LINGO2: variants seen among roughly 807,000 people sequenced by gnomAD.
The protein encoded by LINGO2 is leucine-rich repeat and immunoglobulin-like domain-containing nogo receptor-interacting protein 2.
A neutral mutation model predicts 30.6 loss-of-function variants in LINGO2; 14 were observed. That is an observed-to-expected ratio of 0.46 (90% CI 0.30 to 0.72). The LOEUF is 0.72. Among genes scored for constraint, LINGO2 ranks in the 30% least tolerant of loss-of-function variants. The probability of loss-of-function intolerance (pLI) is 0.07; values close to 1 mark genes in which losing one functional copy is unlikely to be tolerated. For synonymous variants in LINGO2, 317 were observed against 288.5 expected, an observed-to-expected ratio of 1.10 and a Z score of -1.00; for missense variants, 729 against 751.7, an observed-to-expected ratio of 0.97 and a Z score of 0.35.
rs146739197 is a variant in LINGO2 at position 28,348,453 on chromosome 9, C to T, written c.-246+24383G>A. ...GCGCTTTTCTGACAGGCTTAAAAAA[C>T]GGCACACCACGAGATTATATCCTGC... On this transcript the variant is annotated intron_variant, in intron 3 of 5. Transcript: ENST00000379992. Among the ~76,000 whole-genome samples, 1,345 of 152,294 alleles carry T rather than the reference C, an allele frequency of 8.8e-3. 27 individuals carry two copies. Among genetic ancestry groups the T allele is most frequent in the African/African-American group, 0.03 (1,263 of 41,556 alleles).
chr9:29,041,038 A>G, the LINGO2 span, among the ~76,000 whole-genome samples: 1 of 151,976 alleles, frequency 6.6e-6, no homozygotes, highest in African/African-American at 2.4e-5. Flanking sequence ...TCTATTGTGC[A>G]CTCTTCTTTC....
chr9:28,049,081 A>C (rs1166422448), intron 4 of LINGO2, among the ~76,000 whole-genome samples: 2 of 151,086 alleles, frequency 1.3e-5, no homozygotes, highest in Non-Finnish European at 2.9e-5. Flanking sequence ...CTTCTGTAAC[A>C]GAGTAATGTG....
At chr9:28,009,226 T>TAG (rs1258063180) in intron 5 of LINGO2, among the ~76,000 whole-genome samples, 2 of 151,580 alleles carry the variant, frequency 1.3e-5, no homozygotes, top group Non-Finnish European at 2.9e-5. Flanking sequence ...CTTCATATGA[T>TAG]ACACACAAAA....
At chr9:29,210,803 C>T in the LINGO2 span, among the ~76,000 whole-genome samples, 1 of 152,162 alleles carries the variant, frequency 6.6e-6, no homozygotes, top group African/African-American at 2.4e-5. Context: ...CATTTAAATT[C>T]TTAAGGTGAA....
chr9:28,627,037 G>A (rs934767746), intron 1 of LINGO2, among the ~76,000 whole-genome samples: 3 of 151,402 alleles, frequency 2.0e-5, no homozygotes, highest in South Asian at 4.2e-4. Context: ...TTTTTTTAAC[G>A]GTTGTTTTTG....
At chr9:28,039,894 G>A (rs571859363) in intron 4 of LINGO2, among the ~76,000 whole-genome samples, 66 of 152,196 alleles carry the variant, frequency 4.3e-4, no homozygotes, top group African/African-American at 1.1e-3. Flanking sequence ...CCACCCCCTT[G>A]TGAGATATAC....
At chr9:28,994,249 G>C in the LINGO2 span, among the ~76,000 whole-genome samples, 2 of 152,130 alleles carry the variant, frequency 1.3e-5, no homozygotes, top group Non-Finnish European at 2.9e-5. Flanking sequence ...GCCAAATCAT[G>C]AGTGAACTCC....
At chr9:29,082,259 A>C in the LINGO2 span, among the ~76,000 whole-genome samples, 5 of 152,086 alleles carry the variant, frequency 3.3e-5, no homozygotes, top group African/African-American at 4.8e-5. Context: ...AGAACAGAGC[A>C]CTCAGAAATA....
chr9:28,228,626 C>A (rs1408960897), intron 4 of LINGO2, among the ~76,000 whole-genome samples: 1 of 151,560 alleles, frequency 6.6e-6, no homozygotes, highest in East Asian at 1.9e-4. Context: ...ATTCAAGTAG[C>A]CTGAGAATGT....
At chr9:28,535,555 A>G (rs1168064363) in intron 1 of LINGO2, among the ~76,000 whole-genome samples, 1 of 152,148 alleles carries the variant, frequency 6.6e-6, no homozygotes, top group Admixed American at 6.6e-5. Context: ...TTATACACAT[A>G]TATAGAAAAT....
the LINGO2 span, among the ~76,000 whole-genome samples, chr9:28,863,097 T>G: frequency 9.2e-5 from 14 of 152,226 alleles, no homozygotes; most frequent in Middle Eastern, 3.4e-3. Context: ...AAATGTACAA[T>G]TTGGTATGTT....
chr9:28,218,979 T>C (rs1274892859), intron 4 of LINGO2, among the ~76,000 whole-genome samples: 2 of 152,164 alleles, frequency 1.3e-5, no homozygotes, highest in African/African-American at 4.8e-5. Flanking sequence ...ACCTGAAACT[T>C]GTCTTCACTA....
chr9:28,687,885 T>A, the LINGO2 span, among the ~76,000 whole-genome samples: 1 of 152,102 alleles, frequency 6.6e-6, no homozygotes, highest in Non-Finnish European at 1.5e-5. Flanking sequence ...TAATAGGATA[T>A]AACGATTATA....
chr9:29,071,174 G>GTA, the LINGO2 span, among the ~76,000 whole-genome samples: 1 of 147,000 alleles, frequency 6.8e-6, no homozygotes, highest in Non-Finnish European at 1.5e-5. Context: ...GTATTGTATT[G>GTA]TATTGTATTG....
the LINGO2 span, among the ~76,000 whole-genome samples, chr9:28,926,837 T>C: frequency 1.9e-4 from 29 of 152,282 alleles, no homozygotes; most frequent in African/African-American, 6.7e-4. Flanking sequence ...GCAACTCAGA[T>C]ACACTTTTTC....
the LINGO2 span, among the ~76,000 whole-genome samples, chr9:28,688,806 G>T: frequency 5.9e-5 from 9 of 152,134 alleles, no homozygotes; most frequent in Non-Finnish European, 8.8e-5. Flanking sequence ...CCATATTTCA[G>T]ATTCCATTTT....
chr9:28,552,165 T>A (rs1398886082), intron 1 of LINGO2, among the ~76,000 whole-genome samples: 1 of 152,104 alleles, frequency 6.6e-6, no homozygotes, highest in Middle Eastern at 3.4e-3. Flanking sequence ...GCCCTCCTGA[T>A]AAATCTCATC....
the LINGO2 span, among the ~76,000 whole-genome samples, chr9:29,004,660 A>G: frequency 2.2e-4 from 34 of 151,980 alleles, no homozygotes; most frequent in Non-Finnish European, 4.3e-4. Flanking sequence ...AGAAAGAGGA[A>G]AAGATAAAAT....
chr9:28,224,732 T>C (rs1023569720), intron 4 of LINGO2, among the ~76,000 whole-genome samples: 2 of 152,128 alleles, frequency 1.3e-5, no homozygotes, highest in African/African-American at 4.8e-5. Flanking sequence ...TTAATCCCTA[T>C]GAAAATATTA....
Sources: allele counts gnomAD v4.1 joint callset (sites outside exome capture counted in the v4.1 genomes callset), GRCh38; gene constraint gnomAD v4.1.1; transcripts MANE v1.5; gene names NCBI Gene and HGNC (gene_info 2026-07-23, HGNC 2026-07-21).